RNF24: variants seen among roughly 807,000 people sequenced by gnomAD.
RNF24 encodes the protein ring finger protein 24.
Under a neutral mutation model 20.0 loss-of-function variants are expected in RNF24, and 14 were observed. The ratio of observed to expected loss-of-function variants is 0.70; its 90% CI spans 0.46 to 1.10. The LOEUF (loss-of-function observed/expected upper bound fraction) is 1.10, where lower values mean the gene tolerates loss of function less well. Among genes scored for constraint, RNF24 ranks in the 50% least tolerant of loss-of-function variants. The pLI is 0.00. For missense variants in RNF24, 124 were observed against 177.6 expected, an observed-to-expected ratio of 0.70 and a Z score of 1.71; for synonymous variants, 45 against 61.1, an observed-to-expected ratio of 0.74 and a Z score of 1.23.
At chr20:4,007,711 G>A (rs967856442) in intron 1 of RNF24, among the ~76,000 whole-genome samples, 1 of 147,322 alleles carries the variant, frequency 6.8e-6, no homozygotes, top group Admixed American at 6.8e-5. Flanking sequence ...AGACCAGCCT[G>A]GGCAACATAG....
Position 3,934,985 on chromosome 20 carries a change from A to C in RNF24, c.308+9T>G, listed in dbSNP as rs746363889. On this transcript the variant is annotated intron_variant, in intron 5 of 5. Coordinates refer to ENST00000358395, the MANE Select transcript of RNF24 (RefSeq NM_001134337.3). The surrounding 1 kb of genome is among the most constrained non-coding windows in gnomAD (Gnocchi z 4.0). ...GGGTCCCATTAAGTAATTCCATACC[A>C]ATACTTACTTTCTGTGGAAGGCGTG... The C allele has an allele frequency of 1.2e-6, 2 of 1,612,010 alleles. No homozygotes were observed. Among genetic ancestry groups the C allele is most frequent in the African/African-American group, 2.7e-5 (2 of 74,864 alleles).
At chr20:3,953,574 C>T (rs1029168703) in intron 2 of RNF24, among the ~76,000 whole-genome samples, 3 of 151,588 alleles carry the variant, frequency 2.0e-5, no homozygotes, top group Non-Finnish European at 4.4e-5. Flanking sequence ...AAGCAAGTCC[C>T]CTGCCTCAGC....
rs144749707 is a variant in RNF24, at chr20:3,943,682, T to C, written c.228+1495A>G. Among the ~76,000 whole-genome samples, 28 of 152,264 alleles carry C rather than the reference T, an allele frequency of 1.8e-4. No individual in the cohort carries two copies. In the East Asian group the frequency reaches 5.2e-3, roughly 28 times the overall value. ...GCGAAACAGGAATTGGTGGGTGTAG[T>C]TGGATACTAACTATGATACATACTG... On this transcript the variant is annotated intron_variant, in intron 4 of 5. Transcript: ENST00000358395.
At chr20:3,938,097 T>G (rs1336704661) in intron 4 of RNF24, among the ~76,000 whole-genome samples, 1 of 152,236 alleles carries the variant, frequency 6.6e-6, no homozygotes, top group Non-Finnish European at 1.5e-5. Context: ...GGTTGTAATT[T>G]CTCCATATCA....
chr20:3,958,792 A>C (rs112237766), intron 2 of RNF24, among the ~76,000 whole-genome samples: 1,550 of 152,232 alleles, frequency 0.01, 17 homozygotes, highest in African/African-American at 0.035. Flanking sequence ...CAGGCATGTG[A>C]CACCACGCCT....
rs1017084622 is a variant in RNF24, at chr20:3,934,411, C to T, written c.309-210G>A. On this transcript the variant is annotated intron_variant, in intron 5 of 5. Transcript: ENST00000358395. This position sits in a 1 kb window ranked among gnomAD's most constrained non-coding sequence, Gnocchi z 4.0. The stretch of plus-strand genomic sequence containing the variant: ...GAGAGGCCAAGGGGTCAGCAATCCC[C>T]TCTTCCTTCCAGAGCCTCCCATCTT... Among the ~76,000 whole-genome samples the T allele has an allele frequency of 2.0e-5, 3 of 152,186 alleles. No homozygotes were observed. The highest frequency in any genetic ancestry group is 7.2e-5 in the African/African-American group (3 of 41,454).
At chr20:3,996,849 A>G (rs1171726911) in intron 1 of RNF24, among the ~76,000 whole-genome samples, 1 of 152,174 alleles carries the variant, frequency 6.6e-6, no homozygotes, top group Non-Finnish European at 1.5e-5. Flanking sequence ...GGTAAGAGAG[A>G]ACTAGGAGTA....
intron 4 of RNF24, 93 bp from the exon 5 acceptor site, chr20:3,935,166 G>T: frequency 2.1e-6 from 2 of 938,358 alleles, no homozygotes; most frequent in Non-Finnish European, 3.4e-6. Context: ...TCAACCGTTT[G>T]AAGGGACTCA....
intron 2 of RNF24, among the ~76,000 whole-genome samples, chr20:3,949,420 T>C (rs1471540796): frequency 6.6e-6 from 1 of 150,902 alleles, no homozygotes; most frequent in Non-Finnish European, 1.5e-5. Flanking sequence ...ACACAGTGGC[T>C]CATGCCTGTA....
At chr20:4,013,421 A>G (rs1036161474) in intron 1 of RNF24, among the ~76,000 whole-genome samples, 5 of 152,334 alleles carry the variant, frequency 3.3e-5, no homozygotes, top group African/African-American at 1.2e-4. Flanking sequence ...TATTCATATC[A>G]TCCAATATAA....
Position 4,005,575 on chromosome 20 carries a change from C to T in RNF24, c.-8+9862G>A, listed in dbSNP as rs560467243. ...CAAACTACATTAACTCATAATTTGA[C>T]GTTTCATTATCTGTCAACTTTTTTC... On this transcript the variant is annotated intron_variant, in intron 1 of 5. Transcript: ENST00000358395. Among the ~76,000 whole-genome samples the T allele has an allele frequency of 1.2e-4, 18 of 152,240 alleles. 1 individual carries two copies. The South Asian group carries it at 1.2e-3, about 11-fold the overall frequency.
At chr20:3,945,048 A>G (rs2091000301) in intron 4 of RNF24, 129 bp downstream of exon 4, 1 of 1,210,084 alleles carries the variant, frequency 8.3e-7, no homozygotes, top group Non-Finnish European at 1.2e-6. Context: ...TCACCCTGAA[A>G]TATTCTATTA....
chr20:3,961,544 A>T (rs1397487795), intron 2 of RNF24, among the ~76,000 whole-genome samples: 1 of 152,206 alleles, frequency 6.6e-6, no homozygotes, highest in Admixed American at 6.5e-5. Context: ...CTTTGCCCAG[A>T]ATCACAAATT....
intron 1 of RNF24, among the ~76,000 whole-genome samples, chr20:4,012,701 A>G (rs999664997): frequency 6.6e-6 from 1 of 152,216 alleles, no homozygotes; most frequent in Non-Finnish European, 1.5e-5. Flanking sequence ...ACAGAATGCT[A>G]AACTATGGGT....
Position 3,934,945 on chromosome 20 carries a change from A to G in RNF24, c.308+49T>C. On this transcript the variant is annotated intron_variant, in intron 5 of 5. Transcript: ENST00000358395. This position sits in a 1 kb window ranked among gnomAD's most constrained non-coding sequence, Gnocchi z 4.0. ...CCTAAAACCCAAAAGAAGTTGGTTG[A>G]TGTGCCTCAAACTCGGGTCCCATTA... 1 of 1,506,224 alleles carries G rather than the reference A, an allele frequency of 6.6e-7. No homozygotes were observed. The highest frequency in any genetic ancestry group is 1.4e-5 in the African/African-American group (1 of 72,920). 93.3% of individuals were successfully genotyped at this position (1,506,224 alleles called of 1,614,324 possible). A position where few individuals can be genotyped will look rare whatever the true frequency, so the allele number is the denominator to read the frequency against.
chr20:4,012,528 A>G (rs1006451710), intron 1 of RNF24, among the ~76,000 whole-genome samples: 10 of 152,224 alleles, frequency 6.6e-5, no homozygotes, highest in Non-Finnish European at 1.3e-4. Flanking sequence ...GGAGGATAAT[A>G]GATCCTAGTT....
chr20:3,966,079 G>A (rs907125357), intron 1 of RNF24, among the ~76,000 whole-genome samples: 1 of 139,618 alleles, frequency 7.2e-6, no homozygotes, highest in African/African-American at 2.7e-5. Context: ...TGGTTGCAGT[G>A]AGCCAAGATT....
rs1464001427 is a variant in RNF24, at chr20:3,931,697, G to A, written c.*2366C>T. 1.3e-5 allele frequency: 2 copies of A among 152,240 alleles called. No individual in the cohort carries two copies. The highest frequency in any genetic ancestry group is 1.5e-5 in the Non-Finnish European group (1 of 68,056). 9.4% of individuals were successfully genotyped at this position (152,240 alleles called of 1,614,324 possible). A position where few individuals can be genotyped will look rare whatever the true frequency, so the allele number is the denominator to read the frequency against. ...GCTTCCAGCCCAATCCTAGCAGAATGAATGCATTTTAAAACCAGTCCACAT... is the reference window on the plus strand; with the variant it reads ...GCTTCCAGCCCAATCCTAGCAGAATAAATGCATTTTAAAACCAGTCCACAT... On this transcript the variant is annotated 3_prime_UTR_variant, in exon 6 of 6. Transcript: ENST00000358395.
rs2091219273 is a variant in RNF24, at chr20:3,962,925, TC to T, written c.143+949del. 3.3e-5 allele frequency among the ~76,000 whole-genome samples: 5 copies of T among 152,140 alleles called. No individual in the cohort carries two copies. In the South Asian group the frequency reaches 1.0e-3, roughly 32 times the overall value. ...CATGTTGGCCAGGCTGGTCTCGAAC[TC>T]CCGACCTCAGGTAATCCGCCCACCT... On this transcript the variant is annotated intron_variant, in intron 2 of 5. Coordinates refer to ENST00000358395, the MANE Select transcript of RNF24 (RefSeq NM_001134337.3).
Sources: gnomAD v4.1 joint callset for allele counts (sites outside exome capture counted in the v4.1 genomes callset) on GRCh38, gnomAD v4.1.1 for gene constraint, Gnocchi (gnomAD v3.1) non-coding constraint, MANE v1.5 for transcripts, NCBI Gene and HGNC (gene_info 2026-07-23, HGNC 2026-07-21) for gene names.